CBX1: variants seen among roughly 807,000 people sequenced by gnomAD.
CBX1 encodes the protein chromobox 1, also known as chromobox protein homolog 1.
CBX1 carries 10 observed loss-of-function variants against 25.1 expected under a neutral mutation model. The ratio of observed to expected loss-of-function variants is 0.40; its 90% CI spans 0.25 to 0.68. The LOEUF (loss-of-function observed/expected upper bound fraction) is 0.68, where lower values mean the gene tolerates loss of function less well. Among genes scored for constraint, CBX1 ranks in the 30% least tolerant of loss-of-function variants. The probability of loss-of-function intolerance (pLI) is 0.40; values close to 1 mark genes in which losing one functional copy is unlikely to be tolerated. For synonymous variants in CBX1, 63 were observed against 79.4 expected, an observed-to-expected ratio of 0.79 and a Z score of 1.10; for missense variants, 106 against 218.5, an observed-to-expected ratio of 0.49 and a Z score of 3.25.
At chr17:48,097,688 C>T (rs912143267) in intron 1 of CBX1, among the ~76,000 whole-genome samples, 1 of 151,890 alleles carries the variant, frequency 6.6e-6, no homozygotes, top group African/African-American at 2.4e-5. Flanking sequence ...TTTTAAAAGG[C>T]ACAATTTCAC....
intron 3 of CBX1, among the ~76,000 whole-genome samples, chr17:48,075,360 A>AT (rs1006488812): frequency 2.6e-5 from 4 of 151,880 alleles, no homozygotes; most frequent in African/African-American, 9.7e-5. Flanking sequence ...ACGTCAGCTA[A>AT]TTTTTTGTAT....
chr17:48,081,112 T>A (rs2037734157), intron 1 of CBX1, among the ~76,000 whole-genome samples: 1 of 149,708 alleles, frequency 6.7e-6, no homozygotes, highest in African/African-American at 2.5e-5. Flanking sequence ...TAGAGAAGGG[T>A]TTTTGCCATG....
intron 1 of CBX1, among the ~76,000 whole-genome samples, chr17:48,089,790 T>A (rs1047381287): frequency 2.0e-5 from 3 of 151,134 alleles, no homozygotes; most frequent in African/African-American, 7.3e-5. Context: ...GTCACTGCAC[T>A]CTAGCCTGGG....
At chr17:48,096,462 C>G (rs1232267988) in intron 1 of CBX1, 1 of 786,322 alleles carries the variant, frequency 1.3e-6, no homozygotes, top group East Asian at 1.3e-4. Flanking sequence ...ATTATGACTA[C>G]ATTGGAAACG....
At position 48,076,982 on chromosome 17, in the gene CBX1, T is replaced by C. The variant is rs2144432571; in HGVS notation, c.23A>G (p.Lys8Arg). The part of the protein sequence containing the change: MGKKQNK[K>R]KVEEVLEEEE... ...CTCTTCTAGCACCTCCTCCACTTTC[T>C]TCTTGTTTTGTTTTTTCCCCATAGT... The change falls in exon 2 of 5, where the codon AAG (lysine) becomes AGG (arginine). Residue 8 changes from lysine (K) to arginine (R), a missense_variant. Around this residue, in one of 4 missense-constraint regions of CBX1, gnomAD observed 19 missense variants for 17.3 expected, o/e 1.10. Coordinates refer to ENST00000225603, the MANE Select transcript of CBX1 (RefSeq NM_001127228.2). The C allele has an allele frequency of 6.2e-7, 1 of 1,613,512 alleles. No homozygotes were observed. The highest frequency in any genetic ancestry group is 8.5e-7 in the Non-Finnish European group (1 of 1,179,770).
At chr17:48,073,077 G>A (rs1361222224) in intron 4 of CBX1, among the ~76,000 whole-genome samples, 2 of 151,336 alleles carry the variant, frequency 1.3e-5, no homozygotes, top group Admixed American at 6.6e-5. Context: ...AACAGAGATC[G>A]CCTCACTGCA....
intron 1 of CBX1, among the ~76,000 whole-genome samples, chr17:48,078,647 G>A (rs977522533): frequency 3.3e-5 from 5 of 151,094 alleles, no homozygotes; most frequent in African/African-American, 7.3e-5. Context: ...CCGCCATTAC[G>A]CCTGGCTAAT....
At chr17:48,077,833 A>G (rs907866977) in intron 1 of CBX1, among the ~76,000 whole-genome samples, 2 of 152,122 alleles carry the variant, frequency 1.3e-5, no homozygotes, top group Non-Finnish European at 2.9e-5. Flanking sequence ...AAACCGTTGT[A>G]AAAGAGCACG....
intron 4 of CBX1, among the ~76,000 whole-genome samples, chr17:48,074,082 T>C (rs554990127): frequency 5.0e-4 from 76 of 152,094 alleles, no homozygotes; most frequent in Admixed American, 7.9e-4. Flanking sequence ...TAGAAGAGAA[T>C]AGGTTAGTTA....
At chr17:48,074,963 G>C in intron 4 of CBX1, 43 bp downstream of exon 4, 5 of 1,347,818 alleles carry the variant, frequency 3.7e-6, no homozygotes, top group Non-Finnish European at 5.3e-6. Context: ...AAACCAATGG[G>C]AGAAGAAAAA....
At chr17:48,078,633 G>A (rs958939931) in intron 1 of CBX1, among the ~76,000 whole-genome samples, 1 of 151,346 alleles carries the variant, frequency 6.6e-6, no homozygotes, top group Admixed American at 6.6e-5. Context: ...GGTTTTACAG[G>A]TGCCCGCCAT....
chr17:48,079,064 TG>T (rs1214588840), intron 1 of CBX1, among the ~76,000 whole-genome samples: 1 of 151,944 alleles, frequency 6.6e-6, no homozygotes, highest in African/African-American at 2.4e-5. Context: ...CCCAAAGTGC[TG>T]GGATTACAGG....
chr17:48,084,771 G>C (rs1042001920), intron 1 of CBX1, among the ~76,000 whole-genome samples: 1 of 149,928 alleles, frequency 6.7e-6, no homozygotes, highest in South Asian at 2.1e-4. Flanking sequence ...TTAGCTGGGC[G>C]TGATGGCGGG....
chr17:48,094,043 G>A (rs1192081245), intron 1 of CBX1, among the ~76,000 whole-genome samples: 3 of 151,236 alleles, frequency 2.0e-5, no homozygotes, highest in South Asian at 2.1e-4. Flanking sequence ...CAACCTGGGA[G>A]GCGGAAGTTG....
intron 1 of CBX1, among the ~76,000 whole-genome samples, chr17:48,092,238 C>A (rs1171171544): frequency 6.6e-6 from 1 of 151,396 alleles, no homozygotes; most frequent in Non-Finnish European, 1.5e-5. Context: ...AATCTGCCCG[C>A]CTCGCCCTCC....
At chr17:48,089,941 G>A (rs1163564360) in intron 1 of CBX1, among the ~76,000 whole-genome samples, 1 of 149,922 alleles carries the variant, frequency 6.7e-6, no homozygotes, top group Non-Finnish European at 1.5e-5. Context: ...TTTTTTTTGA[G>A]ATGGAGTCTG....
chr17:48,083,758 A>T (rs1229088227), intron 1 of CBX1, among the ~76,000 whole-genome samples: 1 of 150,046 alleles, frequency 6.7e-6, no homozygotes, highest in Non-Finnish European at 1.5e-5. Context: ...TGGGAGGCAG[A>T]GGTTACAGTG....
chr17:48,074,974 AAAC>A (rs769530112), intron 4 of CBX1, 29 bp downstream of exon 4: 8 of 1,490,828 alleles, frequency 5.4e-6, no homozygotes, highest in East Asian at 2.3e-5. Context: ...AGAAGAAAAA[AAAC>A]AACCACACAG....
chr17:48,094,724 ACT>A (rs891763454), intron 1 of CBX1, among the ~76,000 whole-genome samples: 41 of 146,308 alleles, frequency 2.8e-4, no homozygotes, highest in African/African-American at 4.6e-4. Flanking sequence ...ACGGACCAAG[ACT>A]CTGTCTCAAA....
Sources: gnomAD v4.1 joint callset for allele counts (sites outside exome capture counted in the v4.1 genomes callset) on GRCh38, gnomAD v4.1.1 for gene constraint, gnomAD v4.1.1 regional missense constraint, MANE v1.5 for transcripts, NCBI Gene and HGNC (gene_info 2026-07-23, HGNC 2026-07-21) for gene names.